ABCA1: variants seen among roughly 807,000 people sequenced by gnomAD.
The protein encoded by ABCA1 is phospholipid-transporting ATPase ABCA1.
A neutral mutation model predicts 262.5 loss-of-function variants in ABCA1; 133 were observed. The observed-to-expected ratio is 0.51, with a 90% CI of 0.44 to 0.59. The LOEUF is 0.59. Ranked by LOEUF, ABCA1 falls within the 20% of genes least tolerant of loss-of-function variation. ABCA1 has a pLI of 0.00. For synonymous variants in ABCA1, 1,022 were observed against 1,043.5 expected (o/e 0.98, Z 0.40); for missense variants, 2,452 against 2,777.5 (o/e 0.88, Z 2.63).
At chr9:104,832,402 T>C (rs896465630) in intron 12 of ABCA1, among the ~76,000 whole-genome samples, 172 bp downstream of exon 12, 2 of 152,238 alleles carry the variant, frequency 1.3e-5, no homozygotes, top group East Asian at 1.9e-4. Flanking sequence ...ACCACTCAAC[T>C]AACATTTATT....
In ABCA1 at chr9:104,812,654, G is replaced by A; in HGVS notation, c.3970C>T (p.Leu1324Phe). The A allele has an allele frequency of 1.2e-6, 2 of 1,614,250 alleles. No individual in the cohort carries two copies. Among genetic ancestry groups the A allele is most frequent in the Non-Finnish European group, 1.7e-6 (2 of 1,180,050 alleles). Residue 1324 changes from leucine (L) to phenylalanine (F), a missense_variant, in exon 28 of 50, where the codon CTT becomes TTT. Leu to Phe is a conservative substitution (Grantham distance 22). This residue lies in a region of ABCA1 where 665 missense variants were observed against 727.3 expected (regional missense o/e 0.91). Transcript: ENST00000374736. ...KGSYQVKGWKLTQQQFVALLW... is the reference protein window; with the variant it reads ...KGSYQVKGWKFTQQQFVALLW... ...AGGGCCACAAACTGTTGCTGTGTAA[G>A]TTTCCAGCCTTTCACCTGGTAGGAC...
Position 104,818,798 on chromosome 9 carries a change from C to T in ABCA1, c.3327G>A (p.Leu1109=). The part of the protein sequence containing the change: ...DRIAIISHGK[L]CCVGSSLFLK... ...GAAACAGGGAGGAGCCCACACAGCACAGCTTCCCATGGGAGATGATGGCAA... is the reference window on the plus strand; with the variant it reads ...GAAACAGGGAGGAGCCCACACAGCATAGCTTCCCATGGGAGATGATGGCAA... The change falls in exon 23 of 50, where the codon CTG becomes CTA. Residue 1109 remains leucine, a synonymous_variant. Coordinates refer to ENST00000374736, the MANE Select transcript of ABCA1 (RefSeq NM_005502.4). 1.2e-6 allele frequency: 2 copies of T among 1,614,102 alleles called. No individual in the cohort carries two copies. The highest frequency in any genetic ancestry group is 1.3e-5 in the African/African-American group (1 of 75,054).
intron 2 of ABCA1, among the ~76,000 whole-genome samples, chr9:104,897,625 CAG>C (rs1382211925): frequency 6.6e-6 from 1 of 152,144 alleles, no homozygotes; most frequent in Non-Finnish European, 1.5e-5. Context: ...TTTTTTGAGA[CAG>C]AGTCTCGCTC....
intron 5 of ABCA1, among the ~76,000 whole-genome samples, chr9:104,879,242 T>C (rs998738593): frequency 6.6e-6 from 1 of 152,196 alleles, no homozygotes; most frequent in Admixed American, 6.6e-5. Flanking sequence ...TGCTCAGAAA[T>C]GCATCACTGT....
chr9:104,847,492 A>G (rs1184999041), intron 7 of ABCA1, among the ~76,000 whole-genome samples: 1 of 152,216 alleles, frequency 6.6e-6, no homozygotes, highest in Non-Finnish European at 1.5e-5. Flanking sequence ...CTTCCCTTGC[A>G]TGAAAGTTTA....
intron 18 of ABCA1, 141 bp downstream of exon 18, chr9:104,824,324 A>G: frequency 6.6e-7 from 1 of 1,507,160 alleles, no homozygotes; most frequent in Non-Finnish European, 8.9e-7. Context: ...AGGATTTGGA[A>G]AGGGACACTG....
chr9:104,838,278 G>A (rs1194423412), intron 9 of ABCA1, among the ~76,000 whole-genome samples: 3 of 148,638 alleles, frequency 2.0e-5, no homozygotes, highest in Non-Finnish European at 4.4e-5. Flanking sequence ...ACTCTAGCCC[G>A]GGCAACAAGA....
At chr9:104,891,591 A>G (rs554685279) in intron 2 of ABCA1, among the ~76,000 whole-genome samples, 7 of 152,152 alleles carry the variant, frequency 4.6e-5, no homozygotes, top group Non-Finnish European at 8.8e-5. Context: ...TCACTGCATG[A>G]TCACGCCACT....
At chr9:104,823,345 C>T (rs1341254899) in intron 18 of ABCA1, among the ~76,000 whole-genome samples, 1 of 152,132 alleles carries the variant, frequency 6.6e-6, no homozygotes, top group East Asian at 1.9e-4. Context: ...CAAATGAGCG[C>T]ACATAAAGCT....
In ABCA1 at chr9:104,783,925, G is replaced by C. The variant is rs1410166898; in HGVS notation, c.*390C>G. 1 of 187,690 alleles carries C rather than the reference G, an allele frequency of 5.3e-6. No individual in the cohort carries two copies. The highest frequency in any genetic ancestry group is 1.3e-4 in the East Asian group (1 of 7,576). 11.6% of individuals were successfully genotyped at this position (187,690 alleles called of 1,614,324 possible). A position where few individuals can be genotyped will look rare whatever the true frequency, so the allele number is the denominator to read the frequency against. On this transcript the variant is annotated 3_prime_UTR_variant, in exon 50 of 50. Coordinates refer to ENST00000374736, the MANE Select transcript of ABCA1 (RefSeq NM_005502.4). ...AGGATGTGCATTACCTTTTGATTTT[G>C]ATCAATAATCGCTGGCCATGATTAC...
chr9:104,909,685 TGATGACCCTAGTTA>T (rs989071199), intron 1 of ABCA1, among the ~76,000 whole-genome samples: 3 of 145,786 alleles, frequency 2.1e-5, no homozygotes, highest in Non-Finnish European at 3.0e-5. Context: ...AAGGGGGAAA[TGATGACCCTAGTTA>T]GCACCTGGCA....
rs113679661 is a variant in ABCA1 at position 104,797,332 on chromosome 9, A to G, written c.5122-908T>C. Among the ~76,000 whole-genome samples, 539 of 152,346 alleles carry G rather than the reference A, an allele frequency of 3.5e-3. 7 individuals are homozygous for G. The highest frequency in any genetic ancestry group is 0.012 in the African/African-American group (507 of 41,584). On this transcript the variant is annotated intron_variant, in intron 37 of 49. Transcript: ENST00000374736. ...TTTAATATGGATAAATATAAAGTTT[A>G]GTTTCAAAAAAATCAAATGAATTTG...
At chr9:104,918,401 A>G (rs1841961189) in intron 1 of ABCA1, among the ~76,000 whole-genome samples, 2 of 152,162 alleles carry the variant, frequency 1.3e-5, no homozygotes, top group Admixed American at 1.3e-4. Flanking sequence ...GGACAAAACT[A>G]TCAAAGTGGG....
rs1335043048 is a variant in ABCA1 at position 104,784,161 on chromosome 9, C to CATTGA, written c.*149_*153dup. On this transcript the variant is annotated 3_prime_UTR_variant, in exon 50 of 50. Coordinates refer to ENST00000374736, the MANE Select transcript of ABCA1 (RefSeq NM_005502.4). ...CTGTAATGGAATTTTGTTTTCATTG[C>CATTGA]ATTGAATTGCATTGCATTGAATAGT... 5 of 950,232 alleles carry CATTGA rather than the reference C, an allele frequency of 5.3e-6. No homozygotes were observed. The highest frequency in any genetic ancestry group is 8.0e-6 in the Non-Finnish European group (5 of 626,430). 58.9% of individuals were successfully genotyped at this position (950,232 alleles called of 1,614,324 possible).
At position 104,904,934 on chromosome 9, in the gene ABCA1, A is replaced by C. The variant is rs73506119; in HGVS notation, c.-92-1163T>G. On this transcript the variant is annotated intron_variant, in intron 1 of 49. Transcript: ENST00000374736. ...AGGGCAAGAAGGTCTTCTCGTGAACAAGGGATACTACATTCTGTGTATCCC... is the reference window on the plus strand; with the variant it reads ...AGGGCAAGAAGGTCTTCTCGTGAACCAGGGATACTACATTCTGTGTATCCC... Among the ~76,000 whole-genome samples the C allele has an allele frequency of 9.3e-3, 1,420 of 152,312 alleles. 18 individuals are homozygous for C. Among genetic ancestry groups the C allele is most frequent in the African/African-American group, 0.033 (1,352 of 41,554 alleles).
At chr9:104,837,169 C>A in intron 10 of ABCA1, 73 bp from the exon 11 acceptor site, 1 of 1,298,190 alleles carries the variant, frequency 7.7e-7, no homozygotes, top group African/African-American at 1.5e-5. Flanking sequence ...TTGGCTCCTC[C>A]CTGAAAAGAT....
At position 104,818,872 on chromosome 9, in the gene ABCA1, T is replaced by G; in HGVS notation, c.3253A>C (p.Ile1085Leu). ...TCATCCATGTGGTGTGTAGAGAGAATAATGGTGCGGCCTGCCAGGCACAAA... is the reference window on the plus strand; with the variant it reads ...TCATCCATGTGGTGTGTAGAGAGAAGAATGGTGCGGCCTGCCAGGCACAAA... The part of the protein sequence containing the change: ...LLKYRQGRTI[I>L]LSTHHMDEAD... The change falls in exon 23 of 50, where the codon ATT becomes CTT. Residue 1085 changes from isoleucine to leucine, a missense_variant. By Grantham distance (5) the Ile-to-Leu change is conservative (BLOSUM62 2). Transcript: ENST00000374736. 1 of 1,613,150 alleles carries G rather than the reference T, an allele frequency of 6.2e-7. No individual in the cohort carries two copies.
At chr9:104,791,585 C>A (rs1018401565) in intron 43 of ABCA1, among the ~76,000 whole-genome samples, 1 of 152,138 alleles carries the variant, frequency 6.6e-6, no homozygotes, top group Admixed American at 6.5e-5. Flanking sequence ...CACTACTATG[C>A]CCAGCTAATT....
intron 46 of ABCA1, 126 bp from the exon 47 acceptor site, chr9:104,787,102 G>C: frequency 1.4e-6 from 1 of 725,464 alleles, no homozygotes; most frequent in Non-Finnish European, 2.2e-6. Flanking sequence ...GTTATTTCTT[G>C]ATGAATCAAA....
Sources: gnomAD v4.1 joint callset for allele counts (sites outside exome capture counted in the v4.1 genomes callset) on GRCh38, gnomAD v4.1.1 for gene constraint, gnomAD v4.1.1 regional missense constraint, MANE v1.5 for transcripts, NCBI Gene and HGNC (gene_info 2026-07-23, HGNC 2026-07-21) for gene names.